Variants in ESRRG observed in about 807,000 individuals in gnomAD.
ESRRG encodes estrogen related receptor gamma, also known as estrogen-related receptor gamma.
In ESRRG, 13 loss-of-function variants were observed where a neutral mutation model predicts 44.0. That is an observed-to-expected ratio of 0.30 (90% CI 0.19 to 0.47). The LOEUF is 0.47. Ranked by LOEUF, ESRRG falls within the 20% of genes least tolerant of loss-of-function variation. The pLI is 1.00. For synonymous variants in ESRRG, 215 were observed against 214.6 expected, an observed-to-expected ratio of 1.00 and a Z score of -0.02; for missense variants, 395 against 580.6, an observed-to-expected ratio of 0.68 and a Z score of 3.29.
chr1:216,999,957 T>C (rs1208363127), intron 1 of ESRRG, among the ~76,000 whole-genome samples: 4 of 152,330 alleles, frequency 2.6e-5, no homozygotes, highest in East Asian at 1.9e-4. Flanking sequence ...CAGTATCTAC[T>C]ATTATTCTGT....
At chr1:216,702,842 T>C (rs986101092) in intron 1 of ESRRG, among the ~76,000 whole-genome samples, 2 of 150,476 alleles carry the variant, frequency 1.3e-5, no homozygotes, top group Non-Finnish European at 2.9e-5. Context: ...GGTGAAATCA[T>C]GTACATGTGA....
At chr1:216,818,231 T>C (rs1218558049) in intron 2 of ESRRG, among the ~76,000 whole-genome samples, 2 of 152,246 alleles carry the variant, frequency 1.3e-5, no homozygotes, top group Non-Finnish European at 2.9e-5. Flanking sequence ...GTGACGTTTT[T>C]TGTCATTTCA....
At chr1:216,988,735 A>G (rs1349039590) in intron 1 of ESRRG, among the ~76,000 whole-genome samples, 6 of 152,150 alleles carry the variant, frequency 3.9e-5, no homozygotes, top group African/African-American at 1.4e-4. Flanking sequence ...GTTATTCTAG[A>G]TATCTTCCTA....
At chr1:217,116,391 T>C (rs545576689) in intron 1 of ESRRG, among the ~76,000 whole-genome samples, 3 of 152,196 alleles carry the variant, frequency 2.0e-5, no homozygotes, top group South Asian at 2.1e-4. Flanking sequence ...AGAGAGCTCC[T>C]GTAGCATCTA....
chr1:216,759,898 C>A (rs2152335308), intron 2 of ESRRG, among the ~76,000 whole-genome samples: 1 of 152,248 alleles, frequency 6.6e-6, no homozygotes, highest in African/African-American at 2.4e-5. Context: ...ATATGGGTCC[C>A]TTAGCCTAGT....
At chr1:216,511,813 G>T (rs2042811093) in intron 6 of ESRRG, among the ~76,000 whole-genome samples, 1 of 152,088 alleles carries the variant, frequency 6.6e-6, no homozygotes, top group Admixed American at 6.6e-5. Flanking sequence ...AACCCGAAGA[G>T]GTTCCCACTG....
At chr1:217,134,617 C>T (rs2093021949) in intron 1 of ESRRG, among the ~76,000 whole-genome samples, 1 of 152,214 alleles carries the variant, frequency 6.6e-6, no homozygotes, top group Non-Finnish European at 1.5e-5. Flanking sequence ...GCACTTTGAC[C>T]CGCCGTGCGC....
At chr1:216,577,352 T>C (rs895487566) in intron 3 of ESRRG, among the ~76,000 whole-genome samples, 1 of 152,104 alleles carries the variant, frequency 6.6e-6, no homozygotes, top group Non-Finnish European at 1.5e-5. Context: ...TATTTTATCT[T>C]GTTACTATTT....
intron 1 of ESRRG, among the ~76,000 whole-genome samples, chr1:216,703,600 A>C (rs1221843185): frequency 6.6e-6 from 1 of 151,320 alleles, no homozygotes; most frequent in Non-Finnish European, 1.5e-5. Flanking sequence ...TTTTTTTTTA[A>C]GTGCAAGGAA....
At chr1:217,094,263 T>G (rs1028305506), upstream of ESRRG, among the ~76,000 whole-genome samples, 1 of 152,242 alleles carries the variant, frequency 6.6e-6, no homozygotes, top group Non-Finnish European at 1.5e-5. Flanking sequence ...ATTATTCATG[T>G]GTGCCTAAAA....
At chr1:217,104,443 A>G (rs2092561853) in intron 1 of ESRRG, among the ~76,000 whole-genome samples, 1 of 152,238 alleles carries the variant, frequency 6.6e-6, no homozygotes, top group Admixed American at 6.5e-5. Context: ...ACATGGCTCT[A>G]TCACTCACCA....
intron 2 of ESRRG, among the ~76,000 whole-genome samples, chr1:216,807,290 G>C (rs770256938): frequency 6.6e-6 from 1 of 152,168 alleles, no homozygotes; most frequent in Non-Finnish European, 1.5e-5. Context: ...TATGAGAAAT[G>C]TGTTACCATT....
chr1:216,746,144 T>C (rs761898544), intron 2 of ESRRG, among the ~76,000 whole-genome samples: 1 of 152,220 alleles, frequency 6.6e-6, no homozygotes, highest in Non-Finnish European at 1.5e-5. Flanking sequence ...ATTATGGTGA[T>C]AATGATTCTG....
intron 2 of ESRRG, among the ~76,000 whole-genome samples, chr1:216,731,767 GAC>G (rs2088824810): frequency 1.3e-5 from 2 of 152,306 alleles, no homozygotes; most frequent in Admixed American, 1.3e-4. Flanking sequence ...CTGTACTCAG[GAC>G]ATTGAAATCC....
chr1:217,078,929 G>T (rs910934716), intron 1 of ESRRG, among the ~76,000 whole-genome samples: 1 of 152,064 alleles, frequency 6.6e-6, no homozygotes, highest in African/African-American at 2.4e-5. Flanking sequence ...TAGAAACTGG[G>T]GATGGCTGCA....
chr1:216,931,391 T>A lies in ESRRG; in HGVS notation c.-14+8191A>T, dbSNP rs557150072. Among the ~76,000 whole-genome samples, 8 of 152,348 alleles carry A rather than the reference T, an allele frequency of 5.3e-5. No homozygotes were observed. In the South Asian group the frequency reaches 1.7e-3, roughly 32 times the overall value. On this transcript the variant is annotated intron_variant, in intron 2 of 7. Transcript: ENST00000359162. ...TCAGGAAAATAATTCTCCCTTCCTA[T>A]GAAAAATGTTTTCCCTTGACCCACA...
At chr1:216,907,903 T>C (rs927470299) in intron 2 of ESRRG, among the ~76,000 whole-genome samples, 67 of 152,328 alleles carry the variant, frequency 4.4e-4, no homozygotes, top group Non-Finnish European at 5.7e-4. Flanking sequence ...CCTTCTTCTC[T>C]TATGTTAAAA....
At chr1:216,532,917 C>T (rs944667908) in intron 5 of ESRRG, among the ~76,000 whole-genome samples, 4 of 152,078 alleles carry the variant, frequency 2.6e-5, no homozygotes, top group Non-Finnish European at 5.9e-5. Flanking sequence ...CATATTCTCT[C>T]ATTTAAATTG....
chr1:216,899,873 G>A (rs975587498), intron 2 of ESRRG, among the ~76,000 whole-genome samples: 2 of 152,018 alleles, frequency 1.3e-5, no homozygotes, highest in East Asian at 3.9e-4. Flanking sequence ...AGATACAGAG[G>A]CCCAAAAGGT....
Sources: gnomAD v4.1 joint callset for allele counts (sites outside exome capture counted in the v4.1 genomes callset) on GRCh38, gnomAD v4.1.1 for gene constraint, MANE v1.5 for transcripts, NCBI Gene and HGNC (gene_info 2026-07-23, HGNC 2026-07-21) for gene names.